SPON1: variants seen among roughly 807,000 people sequenced by gnomAD.
SPON1 encodes the protein spondin 1, also known as spondin-1.
A neutral mutation model predicts 111.7 loss-of-function variants in SPON1; 52 were observed. That is an observed-to-expected ratio of 0.47 (90% CI 0.37 to 0.59). The LOEUF (loss-of-function observed/expected upper bound fraction) is 0.59, where lower values mean the gene tolerates loss of function less well. SPON1 is among the 20% of genes least tolerant of loss of function. The pLI, the probability that SPON1 is intolerant of heterozygous loss-of-function variation, is 0.00. For missense variants in SPON1, 957 were observed against 1,068.5 expected (o/e 0.90, Z 1.46); for synonymous variants, 410 against 395.8 (o/e 1.04, Z -0.43).
At chr11:14,239,221 G>A (rs1848897698) in intron 6 of SPON1, among the ~76,000 whole-genome samples, 1 of 152,142 alleles carries the variant, frequency 6.6e-6, no homozygotes, top group South Asian at 2.1e-4. Flanking sequence ...TACTCAGGCA[G>A]CGCAAGTCAA....
At position 14,238,661 on chromosome 11, in the gene SPON1, G is replaced by A. The variant is rs144382877; in HGVS notation, c.826-4671G>A. 9.7e-4 allele frequency among the ~76,000 whole-genome samples: 147 copies of A among 152,210 alleles called. 1 individual carries two copies. The highest frequency in any genetic ancestry group is 3.4e-3 in the Middle Eastern group (1 of 294). ...ATCTGTTTTCATTCCACATGAACCC[G>A]CTTCCCTCCAGACCTGACCTCAGCC... On this transcript the variant is annotated intron_variant, in intron 6 of 15. Transcript: ENST00000576479.
At chr11:14,162,647 C>T (rs1177644695) in intron 6 of SPON1, among the ~76,000 whole-genome samples, 2 of 152,204 alleles carry the variant, frequency 1.3e-5, no homozygotes, top group African/African-American at 4.8e-5. Flanking sequence ...TGAGTCCTTT[C>T]AGAGCAGTCA....
chr11:14,053,901 G>A (rs1554918881), intron 3 of SPON1, among the ~76,000 whole-genome samples: 1 of 152,214 alleles, frequency 6.6e-6, no homozygotes, highest in East Asian at 1.9e-4. Context: ...TCTGGAAGAA[G>A]CGAGGGCAGA....
In SPON1 at chr11:14,221,618, G is replaced by A. The variant is rs1380242973; in HGVS notation, c.826-21714G>A. 2.0e-5 allele frequency among the ~76,000 whole-genome samples: 3 copies of A among 152,188 alleles called. No homozygotes were observed. In the South Asian group the frequency reaches 6.2e-4, roughly 32 times the overall value. ...CTCATCCGACGTTTTTAGGTAATAG[G>A]AAATGTCTAGGTGGCCCTAATATGT... On this transcript the variant is annotated intron_variant, in intron 6 of 15. Transcript: ENST00000576479.
chr11:14,095,824 G>A (rs1849096386), intron 5 of SPON1, among the ~76,000 whole-genome samples: 1 of 152,090 alleles, frequency 6.6e-6, no homozygotes, highest in Admixed American at 6.5e-5. Flanking sequence ...AAATAATTTG[G>A]GCACCCAATG....
intron 6 of SPON1, among the ~76,000 whole-genome samples, chr11:14,142,141 CTAAG>C (rs1450791348): frequency 6.6e-6 from 1 of 152,168 alleles, no homozygotes; most frequent in Non-Finnish European, 1.5e-5. Context: ...ATTCTGAGGA[CTAAG>C]TGAGCTGATA....
chr11:14,196,345 G>T (rs1394869162), intron 6 of SPON1, among the ~76,000 whole-genome samples: 1 of 152,166 alleles, frequency 6.6e-6, no homozygotes, highest in Non-Finnish European at 1.5e-5. Flanking sequence ...GACAACTAAC[G>T]AGTATGGATG....
intron 2 of SPON1, among the ~76,000 whole-genome samples, chr11:14,005,289 G>C (rs1591347889): frequency 6.6e-6 from 1 of 152,170 alleles, no homozygotes; most frequent in Non-Finnish European, 1.5e-5. Context: ...GGCCCCACCA[G>C]TTGTGATAAC....
chr11:14,213,893 A>G (rs1350145472), intron 6 of SPON1, among the ~76,000 whole-genome samples: 2 of 152,212 alleles, frequency 1.3e-5, no homozygotes, highest in Non-Finnish European at 2.9e-5. Context: ...GAGCCAGCCA[A>G]TGCACCTATG....
intron 6 of SPON1, among the ~76,000 whole-genome samples, chr11:14,229,825 C>A (rs1848776593): frequency 6.6e-6 from 1 of 152,198 alleles, no homozygotes; most frequent in East Asian, 1.9e-4. Flanking sequence ...CTCTTCAATT[C>A]CTGCTCCGTG....
chr11:14,015,229 C>T (rs1350112010), intron 2 of SPON1, among the ~76,000 whole-genome samples: 2 of 152,178 alleles, frequency 1.3e-5, no homozygotes, highest in Non-Finnish European at 2.9e-5. Flanking sequence ...ATGTATTTCT[C>T]ACAGTCTGGA....
intron 2 of SPON1, among the ~76,000 whole-genome samples, chr11:13,988,344 G>T (rs1848201466): frequency 6.6e-6 from 1 of 151,976 alleles, no homozygotes; most frequent in Non-Finnish European, 1.5e-5. Flanking sequence ...TCATGATTTG[G>T]CTCTCTGTTT....
At chr11:14,030,158 T>C (rs1401615836) in intron 2 of SPON1, among the ~76,000 whole-genome samples, 1 of 152,224 alleles carries the variant, frequency 6.6e-6, no homozygotes, top group Non-Finnish European at 1.5e-5. Flanking sequence ...GCTGGCAGTC[T>C]GCCTGCCCTC....
chr11:14,136,509 G>A (rs563258023), intron 6 of SPON1, among the ~76,000 whole-genome samples: 51 of 152,298 alleles, frequency 3.3e-4, no homozygotes, highest in South Asian at 6.2e-4. Context: ...CTCACAGTCT[G>A]CATGTGCCCA....
At chr11:14,014,696 A>G (rs1222832196) in intron 2 of SPON1, among the ~76,000 whole-genome samples, 1 of 152,236 alleles carries the variant, frequency 6.6e-6, no homozygotes, top group Admixed American at 6.5e-5. Context: ...AGCACCTGCC[A>G]TATCTTCAAC....
chr11:14,194,457 C>G (rs1309586015), intron 6 of SPON1, among the ~76,000 whole-genome samples: 5 of 150,262 alleles, frequency 3.3e-5, no homozygotes, highest in African/African-American at 1.2e-4. Context: ...GGTGAAACAT[C>G]CACAGAAAAC....
At chr11:14,252,652 G>A (rs1036280840) in intron 7 of SPON1, among the ~76,000 whole-genome samples, 4 of 147,028 alleles carry the variant, frequency 2.7e-5, no homozygotes, top group African/African-American at 1.0e-4. Flanking sequence ...CCTGCGCAGA[G>A]TGTGGGAATC....
rs1344104202 is a variant in SPON1 at position 13,962,873 on chromosome 11, G to A, written c.-32G>A. 29 of 1,430,988 alleles carry A rather than the reference G, an allele frequency of 2.0e-5. No homozygotes were observed. Among genetic ancestry groups the A allele is most frequent in the Non-Finnish European group, 2.5e-5 (28 of 1,098,854 alleles). 88.6% of individuals were successfully genotyped at this position (1,430,988 alleles called of 1,614,324 possible). On this transcript the variant is annotated 5_prime_UTR_variant, in exon 1 of 16. Transcript: ENST00000576479. ...GGCAGGAGTCGCGTGGCGAAGGCCT[G>A]CGGCCGCGGCACAAAGTTGGGGGCC...
At chr11:13,975,181 T>C (rs1554908945) in intron 1 of SPON1, among the ~76,000 whole-genome samples, 1 of 152,146 alleles carries the variant, frequency 6.6e-6, no homozygotes. Flanking sequence ...TTCCCCCAGG[T>C]ACTAGACTGT....
Sources: gnomAD v4.1 joint callset for allele counts (sites outside exome capture counted in the v4.1 genomes callset) on GRCh38, gnomAD v4.1.1 for gene constraint, MANE v1.5 for transcripts, NCBI Gene and HGNC (gene_info 2026-07-23, HGNC 2026-07-21) for gene names.